Variants in SIVA1 observed in about 807,000 individuals in gnomAD.
SIVA1 encodes the protein apoptosis regulatory protein Siva.
Under a neutral mutation model 19.7 loss-of-function variants are expected in SIVA1, and 10 were observed. The observed-to-expected ratio is 0.51, with a 90% CI of 0.31 to 0.86. The LOEUF is 0.86. Among genes scored for constraint, SIVA1 ranks in the 40% least tolerant of loss-of-function variants. SIVA1 has a pLI of 0.04. For synonymous variants in SIVA1, 130 were observed against 106.1 expected (o/e 1.23, Z -1.39); for missense variants, 241 against 245.2 (o/e 0.98, Z 0.11).
At chr14:104,756,436 G>A in intron 2 of SIVA1, 168 bp from the exon 3 acceptor site, 1 of 683,580 alleles carries the variant, frequency 1.5e-6, no homozygotes, top group East Asian at 2.7e-5. Context: ...CGGGGGTCCT[G>A]TGCACTGTAC....
Position 104,759,209 on chromosome 14 carries a change from C to A in SIVA1, c.471-219C>A. ...TCGTCTTCCTTCTCTGTGTCCTTCT[C>A]TTCACGTAGTCTTTTTAGGACGCTG... is the stretch of plus-strand genomic sequence containing the variant. On this transcript the variant is annotated intron_variant, in intron 3 of 3. Coordinates refer to ENST00000329967, the MANE Select transcript of SIVA1 (RefSeq NM_006427.4). The surrounding 1 kb of genome is among the most constrained non-coding windows in gnomAD (Gnocchi z 4.2). 2.2e-6 allele frequency: 1 copy of A among 459,402 alleles called. No homozygotes were observed. The highest frequency in any genetic ancestry group is 3.9e-6 in the Non-Finnish European group (1 of 256,910). The allele number at this position is 459,402 out of a possible 1,614,324, so 28.5% of individuals were successfully genotyped here. A position where few individuals can be genotyped will look rare whatever the true frequency, so the allele number is the denominator to read the frequency against.
chr14:104,756,804 A>T, intron 3 of SIVA1, 44 bp downstream of exon 3: 6 of 1,565,420 alleles, frequency 3.8e-6, no homozygotes, highest in Admixed American at 1.8e-5. Flanking sequence ...CCATAGCCCC[A>T]GCAAGCCGTG....
intron 2 of SIVA1, chr14:104,756,065 G>A (rs1288409703): frequency 1.4e-5 from 9 of 640,732 alleles, no homozygotes; most frequent in South Asian, 4.8e-5. Context: ...CGGGTATCCC[G>A]TCTGCTTTCC....
At chr14:104,756,995 T>A (rs992991596) in intron 3 of SIVA1, 2 of 571,836 alleles carry the variant, frequency 3.5e-6, no homozygotes, top group Non-Finnish European at 3.1e-6. Flanking sequence ...TGTATCCGGC[T>A]CTAGTCCCTG....
chr14:104,757,725 T>C (rs1891943414), intron 3 of SIVA1: 1 of 153,310 alleles, frequency 6.5e-6, no homozygotes, highest in South Asian at 2.0e-4. Context: ...CAGGGTTTTC[T>C]CATTGTCTGG....
intron 1 of SIVA1, among the ~76,000 whole-genome samples, chr14:104,755,295 A>C (rs1891845069): frequency 1.3e-5 from 2 of 152,186 alleles, no homozygotes; most frequent in Admixed American, 1.3e-4. Context: ...AAAGGGGACA[A>C]GCTTAGTGAG....
intron 1 of SIVA1, chr14:104,753,741 C>T (rs78475567): frequency 0.028 from 12,440 of 452,142 alleles, 287 homozygotes; most frequent in Non-Finnish European, 0.043. Flanking sequence ...AAGAGGTATT[C>T]ATGGAGCGCG....
intron 1 of SIVA1, 131 bp downstream of exon 1, chr14:104,753,450 G>C (rs1164474641): frequency 1.6e-6 from 1 of 618,562 alleles, no homozygotes; most frequent in Non-Finnish European, 2.7e-6. Context: ...CCCGGAAGCT[G>C]GGAGGCCGCG....
At chr14:104,753,753 G>T (rs1167942594) in intron 1 of SIVA1, 1 of 453,316 alleles carries the variant, frequency 2.2e-6, no homozygotes, top group South Asian at 1.6e-5. Context: ...TGGAGCGCGC[G>T]GCCCTGCCAG....
chr14:104,756,101 A>C (rs1485539879), intron 2 of SIVA1: 1 of 578,066 alleles, frequency 1.7e-6, no homozygotes, highest in Non-Finnish European at 3.2e-6. Flanking sequence ...AGATAGTCCC[A>C]CAAGGCTGGA....
intron 1 of SIVA1, among the ~76,000 whole-genome samples, chr14:104,754,719 C>G (rs977647072): frequency 6.6e-6 from 1 of 152,148 alleles, no homozygotes; most frequent in Non-Finnish European, 1.5e-5. Flanking sequence ...TCCACAAGGC[C>G]TTGAGGACAA....
At position 104,753,251 on chromosome 14, in the gene SIVA1, A is replaced by G. The variant is rs760022416; in HGVS notation, c.50A>G (p.Lys17Arg). 6.3e-7 allele frequency: 1 copy of G among 1,597,820 alleles called. No homozygotes were observed. Among genetic ancestry groups the G allele is most frequent in the Non-Finnish European group, 8.5e-7 (1 of 1,174,370 alleles). Residue 17 changes from lysine to arginine, a missense_variant, in exon 1 of 4, where the codon AAG becomes AGG. Lys to Arg is a conservative substitution (Grantham distance 26). Coordinates refer to ENST00000329967, the MANE Select transcript of SIVA1 (RefSeq NM_006427.4). Reference sequence around the variant, plus strand: ...GCGGACGTGGCCCCGCTACAGCTCAAGGTCCGCGTGAGCCAGAGGGAGTTG... The same window carrying G: ...GCGGACGTGGCCCCGCTACAGCTCAGGGTCCGCGTGAGCCAGAGGGAGTTG... The part of the protein sequence containing the change: ...PFADVAPLQL[K>R]VRVSQRELSR...
chr14:104,757,864 C>T (rs141372772), intron 3 of SIVA1: 1,571 of 152,754 alleles, frequency 0.01, 13 homozygotes, highest in Middle Eastern at 0.048. Flanking sequence ...CTCCCTTGCG[C>T]CCATTTCCTC....
chr14:104,759,479 G>T lies in SIVA1; in HGVS notation c.522G>T (p.Glu174Asp). 6.2e-7 allele frequency: 1 copy of T among 1,611,004 alleles called. No homozygotes were observed. The highest frequency in any genetic ancestry group is 8.5e-7 in the Non-Finnish European group (1 of 1,179,862). ...KVLCTSCAMFET is the reference protein window; with the variant it reads ...KVLCTSCAMFDT ...TGTGCACCAGCTGTGCCATGTTCGA[G>T]ACCTGAGGCTGGCTCAAGCCGGCTG... is the stretch of plus-strand genomic sequence containing the variant. The change falls in exon 4 of 4, where the codon GAG becomes GAT. Residue 174 changes from glutamate (E) to aspartate (D), a missense_variant. Physicochemically the swap from Glu to Asp is conservative, Grantham distance 45 (BLOSUM62 2). Coordinates refer to ENST00000329967, the MANE Select transcript of SIVA1 (RefSeq NM_006427.4). This position sits in a 1 kb window ranked among gnomAD's most constrained non-coding sequence, Gnocchi z 4.2.
intron 1 of SIVA1, among the ~76,000 whole-genome samples, chr14:104,754,071 G>A (rs1044080825): frequency 2.0e-5 from 3 of 152,186 alleles, no homozygotes; most frequent in Admixed American, 6.5e-5. Flanking sequence ...CCAGTTCTGG[G>A]TGGGATGTGA....
chr14:104,756,634 C>A lies in SIVA1; in HGVS notation c.344C>A (p.Ser115Tyr). 1.2e-6 allele frequency: 2 copies of A among 1,614,202 alleles called. No individual in the cohort carries two copies. Among genetic ancestry groups the A allele is most frequent in the Non-Finnish European group, 8.5e-7 (1 of 1,180,020 alleles). ...DPSGVASIAC[S>Y]SCVRAVDGKA... ...TCTGGGGTAGCGTCCATTGCCTGTTCCTCATGCGTGCGAGCCGTGGATGGG... is the reference window on the plus strand; with the variant it reads ...TCTGGGGTAGCGTCCATTGCCTGTTACTCATGCGTGCGAGCCGTGGATGGG... The change falls in exon 3 of 4, where the codon TCC becomes TAC. Residue 115 changes from serine (S) to tyrosine (Y), a missense_variant. By Grantham distance (144) the Ser-to-Tyr change is moderately radical (BLOSUM62 -2). Transcript: ENST00000329967.
intron 2 of SIVA1, chr14:104,756,052 C>T (rs1463183092): frequency 1.5e-6 from 1 of 655,820 alleles, no homozygotes; most frequent in Non-Finnish European, 2.8e-6. Flanking sequence ...AGCAGAGACT[C>T]CCCGGGTATC....
At chr14:104,757,471 C>A (rs914551625) in intron 3 of SIVA1, 1 of 242,600 alleles carries the variant, frequency 4.1e-6, no homozygotes, top group Non-Finnish European at 8.6e-6. Context: ...TCGAGCCTTT[C>A]TTCAGTCGGG....
chr14:104,755,837 A>G lies in SIVA1; in HGVS notation c.313+13A>G. 1 of 1,611,572 alleles carries G rather than the reference A, an allele frequency of 6.2e-7. No individual in the cohort carries two copies. On this transcript the variant is annotated intron_variant, in intron 2 of 3. Transcript: ENST00000329967. ...GCCTCCGAAGCTGGTGAGTGGCACC[A>G]GCAGCCCTTTGTGGCTGTGGCACTG...
Sources: allele counts gnomAD v4.1 joint callset (sites outside exome capture counted in the v4.1 genomes callset), GRCh38; gene constraint gnomAD v4.1.1; non-coding constraint Gnocchi (gnomAD v3.1); transcripts MANE v1.5; gene names NCBI Gene and HGNC (gene_info 2026-07-23, HGNC 2026-07-21).